The following FERMT2 variants were observed in gnomAD, a reference collection of about 807,000 sequenced individuals.
FERMT2 encodes FERM domain containing kindlin 2, also known as fermitin family homolog 2.
In FERMT2, 15 loss-of-function variants were observed where a neutral mutation model predicts 82.7. The observed-to-expected ratio is 0.18, with a 90% CI of 0.12 to 0.28. The LOEUF (loss-of-function observed/expected upper bound fraction) is 0.28, where lower values mean the gene tolerates loss of function less well. FERMT2 is among the 10% of genes least tolerant of loss of function. The pLI is 1.00. For missense variants in FERMT2, 645 were observed against 809.4 expected (o/e 0.80, Z 2.46); for synonymous variants, 274 against 271.5 (o/e 1.01, Z -0.09).
chr14:52,864,659 CG>C, intron 11 of FERMT2, 37 bp from the exon 12 acceptor site: 1 of 1,587,728 alleles, frequency 6.3e-7, no homozygotes, highest in Admixed American at 1.7e-5. Flanking sequence ...CAATGTATCA[CG>C]AGGTGGGTCT....
chr14:52,939,863 A>T (rs890924675), intron 2 of FERMT2, among the ~76,000 whole-genome samples: 1 of 152,176 alleles, frequency 6.6e-6, no homozygotes, highest in Non-Finnish European at 1.5e-5. Flanking sequence ...GAACCCAGGA[A>T]CTACATTAAG....
chr14:52,857,371 A>T lies in FERMT2; in HGVS notation c.*1006T>A, dbSNP rs1213532471. On this transcript the variant is annotated 3_prime_UTR_variant, in exon 15 of 15. Coordinates refer to ENST00000341590, the MANE Select transcript of FERMT2 (RefSeq NM_006832.3). ...TACTGGTAATCCACCTCTCCCTCGCACCCTTTTGGGCTATGTGAGCTAGGA... is the reference window on the plus strand; with the variant it reads ...TACTGGTAATCCACCTCTCCCTCGCTCCCTTTTGGGCTATGTGAGCTAGGA... 6.6e-6 allele frequency: 1 copy of T among 152,590 alleles called. No homozygotes were observed. Among genetic ancestry groups the T allele is most frequent in the Non-Finnish European group, 1.5e-5 (1 of 68,036 alleles). The allele number at this position is 152,590 out of a possible 1,614,324, so 9.5% of individuals were successfully genotyped here. A position where few individuals can be genotyped will look rare whatever the true frequency, so the allele number is the denominator to read the frequency against.
At chr14:52,895,883 A>C (rs1887227288) in intron 3 of FERMT2, among the ~76,000 whole-genome samples, 1 of 152,234 alleles carries the variant, frequency 6.6e-6, no homozygotes, top group Non-Finnish European at 1.5e-5. Context: ...CAATAGGTCT[A>C]CAGTCATGCG....
intron 4 of FERMT2, 196 bp from the exon 5 acceptor site, chr14:52,881,665 A>T: frequency 1.1e-6 from 1 of 891,406 alleles, no homozygotes; most frequent in Non-Finnish European, 1.6e-6. Flanking sequence ...CACGTAATAA[A>T]GCCTTAAGAA....
intron 12 of FERMT2, 89 bp from the exon 13 acceptor site, chr14:52,860,554 C>A: frequency 9.1e-7 from 1 of 1,094,184 alleles, no homozygotes; most frequent in Middle Eastern, 2.0e-4. Context: ...GAATTACGCA[C>A]CCCGTACCCC....
chr14:52,873,171 G>A (rs1037883063), intron 9 of FERMT2, among the ~76,000 whole-genome samples: 1 of 152,154 alleles, frequency 6.6e-6, no homozygotes, highest in Non-Finnish European at 1.5e-5. Flanking sequence ...CTGTGTTCCA[G>A]TATTCTGCAG....
chr14:52,888,425 G>C (rs1886736605), intron 4 of FERMT2, among the ~76,000 whole-genome samples: 1 of 152,242 alleles, frequency 6.6e-6, no homozygotes, highest in South Asian at 2.1e-4. Flanking sequence ...ATACTAACCA[G>C]CTTTCCTACA....
At chr14:52,912,761 T>C (rs1328521608) in intron 3 of FERMT2, among the ~76,000 whole-genome samples, 1 of 151,984 alleles carries the variant, frequency 6.6e-6, no homozygotes, top group Non-Finnish European at 1.5e-5. Flanking sequence ...CTGCCTGCCT[T>C]GGCCTCCCAA....
At chr14:52,904,430 T>C (rs1245808061) in intron 3 of FERMT2, among the ~76,000 whole-genome samples, 2 of 152,116 alleles carry the variant, frequency 1.3e-5, no homozygotes, top group African/African-American at 2.4e-5. Context: ...GACAGGAGAA[T>C]TGCTTGAACC....
chr14:52,879,310 T>C (rs1441980238), intron 6 of FERMT2, among the ~76,000 whole-genome samples: 1 of 152,196 alleles, frequency 6.6e-6, no homozygotes, highest in African/African-American at 2.4e-5. Flanking sequence ...ATACTGCAGA[T>C]TGAGTATCCC....
At chr14:52,905,262 C>A (rs12881375) in intron 3 of FERMT2, among the ~76,000 whole-genome samples, 95,542 of 150,660 alleles carry the variant, frequency 0.63, 31,511 homozygotes, top group South Asian at 0.76. Context: ...CAAGAAGTAA[C>A]AGTATAAGCA....
At chr14:52,932,344 C>G (rs1285002499) in intron 2 of FERMT2, among the ~76,000 whole-genome samples, 1 of 152,104 alleles carries the variant, frequency 6.6e-6, no homozygotes, top group Non-Finnish European at 1.5e-5. Context: ...GATGATTATC[C>G]TGCACATCTC....
chr14:52,927,936 T>C (rs552840634), intron 2 of FERMT2: 26 of 295,092 alleles, frequency 8.8e-5, no homozygotes, highest in African/African-American at 5.2e-4. Context: ...TCTTGGACTT[T>C]ATTTAATGCC....
Position 52,857,924 on chromosome 14 carries a change from G to A in FERMT2, c.*453C>T, listed in dbSNP as rs1015498631. On this transcript the variant is annotated 3_prime_UTR_variant, in exon 15 of 15. Transcript: ENST00000341590. Reference sequence around the variant, plus strand: ...CCTCCTGCATGCCTGATTTATTTGGGGGTAGGGGGAGGAATTAAATGGCTA... The same window carrying A: ...CCTCCTGCATGCCTGATTTATTTGGAGGTAGGGGGAGGAATTAAATGGCTA... 2 of 154,794 alleles carry A rather than the reference G, an allele frequency of 1.3e-5. No individual in the cohort carries two copies. The highest frequency in any genetic ancestry group is 2.9e-5 in the Non-Finnish European group (2 of 69,396). 9.6% of individuals were successfully genotyped at this position (154,794 alleles called of 1,614,324 possible). A position where few individuals can be genotyped will look rare whatever the true frequency, so the allele number is the denominator to read the frequency against.
intron 3 of FERMT2, among the ~76,000 whole-genome samples, chr14:52,896,999 AACAC>A (rs57945447): frequency 0.059 from 8,117 of 136,980 alleles, 407 homozygotes; most frequent in African/African-American, 0.13. Context: ...AAACAAATAA[AACAC>A]ACACACACAC....
Position 52,878,654 on chromosome 14 carries a change from C to T in FERMT2, c.891G>A (p.Gln297=). The change falls in exon 7 of 15, where the codon CAG becomes CAA. Residue 297 remains glutamine (Q), a synonymous_variant. Coordinates refer to ENST00000341590, the MANE Select transcript of FERMT2 (RefSeq NM_006832.3). Reference sequence around the variant, plus strand: ...CTTCCAGGAGAATGGCCCATTTGGCCTGCTCGTAAAGCTGATTGATTCTGA... The same window carrying T: ...CTTCCAGGAGAATGGCCCATTTGGCTTGCTCGTAAAGCTGATTGATTCTGA... The part of the protein sequence containing the change: ...DAIRINQLYE[Q]AKWAILLEEI... The T allele has an allele frequency of 1.2e-6, 2 of 1,608,104 alleles. No homozygotes were observed. The highest frequency in any genetic ancestry group is 1.7e-6 in the Non-Finnish European group (2 of 1,176,472).
At chr14:52,931,921 C>T (rs560270690) in intron 2 of FERMT2, among the ~76,000 whole-genome samples, 5 of 152,132 alleles carry the variant, frequency 3.3e-5, no homozygotes, top group Middle Eastern at 3.4e-3. Flanking sequence ...CCCAGCTACT[C>T]GGGGGGCTAA....
intron 3 of FERMT2, among the ~76,000 whole-genome samples, chr14:52,900,520 A>C (rs1300987293): frequency 6.6e-6 from 1 of 152,148 alleles, no homozygotes; most frequent in Non-Finnish European, 1.5e-5. Context: ...AATAAAGAAA[A>C]CATAAACCTA....
At chr14:52,947,897 T>C (rs1482733766) in intron 2 of FERMT2, among the ~76,000 whole-genome samples, 1 of 152,246 alleles carries the variant, frequency 6.6e-6, no homozygotes, top group Non-Finnish European at 1.5e-5. Context: ...GGGAAATAAT[T>C]GCTGCTACTG....
Sources: gnomAD v4.1 joint callset for allele counts (sites outside exome capture counted in the v4.1 genomes callset) on GRCh38, gnomAD v4.1.1 for gene constraint, MANE v1.5 for transcripts, NCBI Gene and HGNC (gene_info 2026-07-23, HGNC 2026-07-21) for gene names.